Variants in AUTS2 observed in about 807,000 individuals in gnomAD.
The protein encoded by AUTS2 is autism susceptibility gene 2 protein.
AUTS2 carries 17 observed loss-of-function variants against 112.4 expected under a neutral mutation model. The observed-to-expected ratio is 0.15, with a 90% CI of 0.10 to 0.23. The LOEUF is 0.23. AUTS2 is among the 10% of genes least tolerant of loss of function. AUTS2 has a pLI of 1.00. For synonymous variants in AUTS2, 751 were observed against 702.7 expected (o/e 1.07, Z -1.09); for missense variants, 1,510 against 1,701.6 (o/e 0.89, Z 1.98).
chr7:70,021,125 G>GGCAT (rs1679978231), intron 2 of AUTS2, among the ~76,000 whole-genome samples: 1 of 152,120 alleles, frequency 6.6e-6, no homozygotes, highest in African/African-American at 2.4e-5. Flanking sequence ...TGGGATTACA[G>GGCAT]GCATGCGCCA....
At chr7:69,985,227 TAA>T (rs71068005) in intron 2 of AUTS2, among the ~76,000 whole-genome samples, 47 of 104,670 alleles carry the variant, frequency 4.5e-4, no homozygotes, top group Admixed American at 1.2e-3. Context: ...GAAGACTCTC[TAA>T]AAAAAAAAAA....
intron 2 of AUTS2, among the ~76,000 whole-genome samples, chr7:70,040,268 G>C (rs958042956): frequency 1.3e-5 from 2 of 152,150 alleles, no homozygotes; most frequent in Non-Finnish European, 2.9e-5. Flanking sequence ...AGTCCTGTGG[G>C]GAATGCTGAT....
chr7:69,998,486 C>T (rs1347929991), intron 2 of AUTS2, among the ~76,000 whole-genome samples: 1 of 152,180 alleles, frequency 6.6e-6, no homozygotes, highest in Non-Finnish European at 1.5e-5. Context: ...TGTATCTGAG[C>T]AAGTTGCTTA....
chr7:70,064,919 C>G (rs2129561411), intron 2 of AUTS2, among the ~76,000 whole-genome samples: 1 of 152,228 alleles, frequency 6.6e-6, no homozygotes, highest in Middle Eastern at 3.4e-3. Flanking sequence ...ATGTCTTTCT[C>G]CTCTAAGATT....
intron 1 of AUTS2, among the ~76,000 whole-genome samples, chr7:69,722,593 C>T (rs118172776): frequency 0.012 from 1,777 of 152,226 alleles, 18 homozygotes; most frequent in Non-Finnish European, 0.018. Flanking sequence ...GCCTTGTCCC[C>T]GCAAAGTGCT....
intron 4 of AUTS2, among the ~76,000 whole-genome samples, chr7:70,191,653 T>C (rs1809901359): frequency 6.6e-6 from 1 of 152,220 alleles, no homozygotes; most frequent in Non-Finnish European, 1.5e-5. Flanking sequence ...TTAACAGATT[T>C]GTTCAAATTT....
intron 4 of AUTS2, among the ~76,000 whole-genome samples, chr7:70,175,266 A>G (rs1808924320): frequency 6.6e-6 from 1 of 152,174 alleles, no homozygotes; most frequent in Admixed American, 6.5e-5. Flanking sequence ...GGTGTTACTG[A>G]ATTTCTGCAA....
intron 4 of AUTS2, among the ~76,000 whole-genome samples, chr7:70,357,346 T>A (rs1792056991): frequency 6.6e-6 from 1 of 152,208 alleles, no homozygotes; most frequent in Admixed American, 6.5e-5. Flanking sequence ...ACCACCTCCC[T>A]TATTTGTTGA....
chr7:70,460,718 G>T (rs1401795170), intron 5 of AUTS2, among the ~76,000 whole-genome samples: 2 of 152,104 alleles, frequency 1.3e-5, no homozygotes, highest in Non-Finnish European at 2.9e-5. Flanking sequence ...GCACTTATCA[G>T]CCCTGAGGCC....
In AUTS2 at chr7:70,222,919, G is replaced by A. The variant is rs76042043; in HGVS notation, c.660+88348G>A. Among the ~76,000 whole-genome samples the A allele has an allele frequency of 3.4e-3, 450 of 132,080 alleles. 18 individuals are homozygous for A. In the East Asian group the frequency reaches 0.08, roughly 23 times the overall value. 86.6% of individuals were successfully genotyped at this position (132,080 alleles called of 152,430 possible). ...TTTTTTTTTTTTGAGACAAAGTCTCGCCCTGTCACCCAGGCTGGAGTGCAA... is the reference window on the plus strand; with the variant it reads ...TTTTTTTTTTTTGAGACAAAGTCTCACCCTGTCACCCAGGCTGGAGTGCAA... On this transcript the variant is annotated intron_variant, in intron 4 of 18. Transcript: ENST00000342771.
At chr7:69,741,718 A>G (rs1787272530) in intron 1 of AUTS2, among the ~76,000 whole-genome samples, 1 of 151,964 alleles carries the variant, frequency 6.6e-6, no homozygotes. Context: ...AAAAAAAAAA[A>G]ATCCATAGCC....
In AUTS2 at chr7:70,032,252, C is replaced by T. The variant is rs575226964; in HGVS notation, c.523-85880C>T. ...CATAGAGCATATAAAATTCTAACTC[C>T]GCTGTATCATAAATTTGACCTCACT... On this transcript the variant is annotated intron_variant, in intron 2 of 18. Coordinates refer to ENST00000342771, the MANE Select transcript of AUTS2 (RefSeq NM_015570.4). 3.7e-4 allele frequency among the ~76,000 whole-genome samples: 57 copies of T among 152,192 alleles called. No individual in the cohort carries two copies. The Middle Eastern group carries it at 0.02, about 54-fold the overall frequency.
intron 5 of AUTS2, among the ~76,000 whole-genome samples, chr7:70,650,143 A>T (rs1806419082): frequency 6.6e-6 from 1 of 152,236 alleles, no homozygotes; most frequent in Non-Finnish European, 1.5e-5. Flanking sequence ...ACTCACAGAC[A>T]GGAAGGAAAG....
At chr7:69,664,113 C>G (rs1795925350) in intron 1 of AUTS2, among the ~76,000 whole-genome samples, 1 of 152,202 alleles carries the variant, frequency 6.6e-6, no homozygotes, top group African/African-American at 2.4e-5. Context: ...TCCTTTCACT[C>G]CTAGCCACGT....
intron 2 of AUTS2, among the ~76,000 whole-genome samples, chr7:69,931,788 G>A (rs1365163538): frequency 6.6e-6 from 1 of 152,142 alleles, no homozygotes; most frequent in Non-Finnish European, 1.5e-5. Flanking sequence ...ATAAAACTCT[G>A]TTCAAGAAAT....
chr7:70,024,517 C>T (rs1038214143), intron 2 of AUTS2, among the ~76,000 whole-genome samples: 1 of 152,060 alleles, frequency 6.6e-6, no homozygotes, highest in Non-Finnish European at 1.5e-5. Context: ...ATGTTTTTCT[C>T]TTCTCTATTT....
intron 4 of AUTS2, among the ~76,000 whole-genome samples, chr7:70,416,723 C>T (rs372416934): frequency 7.6e-4 from 116 of 152,330 alleles, no homozygotes; most frequent in African/African-American, 2.7e-3. Flanking sequence ...GCCGACGCAG[C>T]GCCTGCTGCG....
In AUTS2 at chr7:69,722,378, A is replaced by ATTTTT. The variant is rs34149543; in HGVS notation, c.309+122428_309+122432dup. ...GCAAATGGAGGTATTCTTATTCTACATTTTTTTTTTTTTTTTGAGACCAAG... is the reference window on the plus strand; with the variant it reads ...GCAAATGGAGGTATTCTTATTCTACATTTTTTTTTTTTTTTTTTTTTGAGACCAAG... On this transcript the variant is annotated intron_variant, in intron 1 of 18. Transcript: ENST00000342771. 2.1e-5 allele frequency among the ~76,000 whole-genome samples: 3 copies of ATTTTT among 142,710 alleles called. 1 individual carries two copies. Among genetic ancestry groups the ATTTTT allele is most frequent in the African/African-American group, 5.2e-5 (2 of 38,730 alleles). The allele number at this position is 142,710 out of a possible 152,430, so 93.6% of individuals were successfully genotyped here.
intron 1 of AUTS2, among the ~76,000 whole-genome samples, chr7:69,633,298 T>TAC (rs145473184): frequency 1.3e-5 from 2 of 151,780 alleles, no homozygotes; most frequent in Admixed American, 1.3e-4. Flanking sequence ...ATAATATTCA[T>TAC]ACACACACAC....
Sources: allele counts gnomAD v4.1 joint callset (sites outside exome capture counted in the v4.1 genomes callset), GRCh38; gene constraint gnomAD v4.1.1; transcripts MANE v1.5; gene names NCBI Gene and HGNC (gene_info 2026-07-23, HGNC 2026-07-21).